CNTLN: variants seen among roughly 807,000 people sequenced by gnomAD.
CNTLN encodes centlein, also known as centlein, centrosomal protein.
A neutral mutation model predicts 180.0 loss-of-function variants in CNTLN; 212 were observed. That is an observed-to-expected ratio of 1.18 (90% CI 1.05 to 1.32). The LOEUF is 1.32. CNTLN is among the 40% of genes most tolerant of loss of function. CNTLN has a pLI of 0.00. For missense variants in CNTLN, 2,095 were observed against 1,610.9 expected, an observed-to-expected ratio of 1.30 and a Z score of -5.14; for synonymous variants, 722 against 563.1, an observed-to-expected ratio of 1.28 and a Z score of -3.99.
intron 2 of CNTLN, among the ~76,000 whole-genome samples, chr9:17,193,899 G>T (rs933872298): frequency 6.6e-6 from 1 of 152,178 alleles, no homozygotes; most frequent in African/African-American, 2.4e-5. Flanking sequence ...AAATCTAGGC[G>T]GAAGTTTCCA....
At chr9:17,404,110 A>G (rs1827193492) in intron 15 of CNTLN, among the ~76,000 whole-genome samples, 1 of 151,766 alleles carries the variant, frequency 6.6e-6, no homozygotes, top group East Asian at 1.9e-4. Flanking sequence ...ATATATGACA[A>G]TGCTCTGTGT....
intron 2 of CNTLN, among the ~76,000 whole-genome samples, chr9:17,159,448 C>T (rs371609679): frequency 8.5e-5 from 13 of 152,166 alleles, no homozygotes; most frequent in African/African-American, 2.7e-4. Flanking sequence ...CTAAGGTTCT[C>T]TTGGCTTGCC....
chr9:17,222,479 G>A (rs997931336), intron 2 of CNTLN, among the ~76,000 whole-genome samples: 4 of 151,954 alleles, frequency 2.6e-5, no homozygotes, highest in Admixed American at 6.6e-5. Context: ...GTGAAATATC[G>A]TGGTATATGA....
intron 13 of CNTLN, among the ~76,000 whole-genome samples, chr9:17,369,936 G>A (rs1361944417): frequency 2.7e-5 from 4 of 150,160 alleles, no homozygotes; most frequent in Non-Finnish European, 3.0e-5. Context: ...GCTGTGAATC[G>A]AGATCACGCC....
chr9:17,368,479 A>G (rs1038322441), intron 13 of CNTLN, among the ~76,000 whole-genome samples: 1 of 152,156 alleles, frequency 6.6e-6, no homozygotes, highest in African/African-American at 2.4e-5. Context: ...CTCTTTGCAG[A>G]GCCCTAGGGC....
At chr9:17,418,928 T>TATTTTTTTCCCTGTCAGTTTCATTGC (rs1828482287) in intron 18 of CNTLN, among the ~76,000 whole-genome samples, 3 of 152,124 alleles carry the variant, frequency 2.0e-5, no homozygotes, top group Admixed American at 6.6e-5. Flanking sequence ...TATTCTTTGG[T>TATTTTTTTCCCTGTCAGTTTCATTGC]ATTTTTTTCC....
Position 17,286,548 on chromosome 9 carries a change from C to T in CNTLN, c.984-11642C>T, listed in dbSNP as rs970333230. Reference sequence around the variant, plus strand: ...TTTTTTCCAATTCTGTGAGGAAAGTCATTGGTAGCTTTATGGGGATGGCAT... The same window carrying T: ...TTTTTTCCAATTCTGTGAGGAAAGTTATTGGTAGCTTTATGGGGATGGCAT... On this transcript the variant is annotated intron_variant, in intron 6 of 25. Coordinates refer to ENST00000380647, the MANE Select transcript of CNTLN (RefSeq NM_017738.4). Among the ~76,000 whole-genome samples the T allele has an allele frequency of 1.3e-4, 18 of 140,112 alleles. 1 individual carries two copies. The South Asian group carries it at 1.5e-3, about 12-fold the overall frequency. The allele number at this position is 140,112 out of a possible 152,430, so 91.9% of individuals were successfully genotyped here.
intron 8 of CNTLN, among the ~76,000 whole-genome samples, chr9:17,311,401 T>A (rs1454600919): frequency 6.6e-6 from 1 of 151,464 alleles, no homozygotes; most frequent in Non-Finnish European, 1.5e-5. Context: ...ATCTTTCTGT[T>A]CCCCCAAAGA....
At chr9:17,203,092 A>C (rs569572079) in intron 2 of CNTLN, among the ~76,000 whole-genome samples, 50 of 152,194 alleles carry the variant, frequency 3.3e-4, no homozygotes, top group African/African-American at 9.9e-4. Flanking sequence ...TCCTTCACTT[A>C]TGAAGCTTAG....
chr9:17,202,974 T>C (rs1464739187), intron 2 of CNTLN, among the ~76,000 whole-genome samples: 1 of 152,132 alleles, frequency 6.6e-6, no homozygotes, highest in African/African-American at 2.4e-5. Context: ...TGGCTGGTAC[T>C]GGTTTTTCCT....
chr9:17,301,774 G>A (rs1252155696), intron 7 of CNTLN: 2 of 974,058 alleles, frequency 2.1e-6, no homozygotes, highest in Non-Finnish European at 2.4e-6. Flanking sequence ...TGTTTTGGTG[G>A]CTGTATGTAG....
At chr9:17,204,797 T>G (rs1278302348) in intron 2 of CNTLN, among the ~76,000 whole-genome samples, 1 of 152,052 alleles carries the variant, frequency 6.6e-6, no homozygotes, top group Non-Finnish European at 1.5e-5. Context: ...CAGCCGCCCC[T>G]CCCCCCAGGT....
intron 18 of CNTLN, among the ~76,000 whole-genome samples, chr9:17,435,125 T>C (rs1829685139): frequency 6.6e-6 from 1 of 152,220 alleles, no homozygotes; most frequent in South Asian, 2.1e-4. Flanking sequence ...AAAAACTGTC[T>C]TTAAATAATC....
intron 2 of CNTLN, among the ~76,000 whole-genome samples, chr9:17,154,561 A>G (rs1263818807): frequency 1.3e-5 from 2 of 152,190 alleles, no homozygotes; most frequent in Non-Finnish European, 2.9e-5. Context: ...ACTCTCCTGT[A>G]TGAGGTGTCT....
intron 14 of CNTLN, among the ~76,000 whole-genome samples, chr9:17,391,794 A>G (rs1446382572): frequency 1.3e-5 from 2 of 152,180 alleles, no homozygotes; most frequent in African/African-American, 2.4e-5. Context: ...AGTAATAATG[A>G]TAATGATAAT....
intron 2 of CNTLN, among the ~76,000 whole-genome samples, chr9:17,168,949 C>A (rs1251934396): frequency 6.6e-6 from 1 of 152,140 alleles, no homozygotes; most frequent in Non-Finnish European, 1.5e-5. Flanking sequence ...AGTTTGTTCA[C>A]TGCCGTAGTC....
intron 12 of CNTLN, among the ~76,000 whole-genome samples, chr9:17,363,056 G>C (rs1022670678): frequency 1.3e-5 from 2 of 152,160 alleles, no homozygotes; most frequent in Non-Finnish European, 2.9e-5. Context: ...CCCTGCAAAG[G>C]ACATGAAGTC....
the CNTLN span, among the ~76,000 whole-genome samples, chr9:17,524,903 G>T: frequency 1.3e-5 from 2 of 152,138 alleles, no homozygotes; most frequent in Non-Finnish European, 2.9e-5. Flanking sequence ...CTGTCCACTT[G>T]TCCTGTTGTT....
intron 20 of CNTLN, among the ~76,000 whole-genome samples, chr9:17,463,983 C>A (rs1279805491): frequency 6.6e-6 from 1 of 151,392 alleles, no homozygotes; most frequent in Admixed American, 6.6e-5. Context: ...CAGCATCTAC[C>A]ATTTTATACT....
Sources: allele counts gnomAD v4.1 joint callset (sites outside exome capture counted in the v4.1 genomes callset), GRCh38; gene constraint gnomAD v4.1.1; transcripts MANE v1.5; gene names NCBI Gene and HGNC (gene_info 2026-07-23, HGNC 2026-07-21).